SEPTIN2: variants seen among roughly 807,000 people sequenced by gnomAD.
SEPTIN2 encodes the protein septin-2.
SEPTIN2 carries 34 observed loss-of-function variants against 46.5 expected under a neutral mutation model. That is an observed-to-expected ratio of 0.73 (90% confidence interval 0.56 to 0.97). SEPTIN2 has a LOEUF of 0.97. Among genes scored for constraint, SEPTIN2 ranks in the 50% least tolerant of loss-of-function variants. The pLI is 0.00. For synonymous variants in SEPTIN2, 175 were observed against 153.4 expected, an observed-to-expected ratio of 1.14 and a Z score of -1.04; for missense variants, 347 against 448.4, an observed-to-expected ratio of 0.77 and a Z score of 2.04.
At chr2:241,330,213 AAAAAATC>A (rs1401070992) in intron 3 of SEPTIN2, among the ~76,000 whole-genome samples, 1 of 152,202 alleles carries the variant, frequency 6.6e-6, no homozygotes, top group Non-Finnish European at 1.5e-5. Context: ...TGTGTTTCTA[AAAAAATC>A]ACCATGCCAT....
Position 241,337,726 on chromosome 2 carries a change from T to C in SEPTIN2, c.530T>C (p.Ile177Thr). Reference sequence around the variant, plus strand: ...AAGGCAATACACAACAAGGTGAATATTGTGCCTGTCATTGCAAAAGCTGAC... The same window carrying C: ...AAGGCAATACACAACAAGGTGAATACTGTGCCTGTCATTGCAAAAGCTGAC... ...FMKAIHNKVN[I>T]VPVIAKADTL... Residue 177 changes from isoleucine to threonine, a missense_variant, in exon 7 of 13, where the codon ATT becomes ACT. Coordinates refer to ENST00000391971, the MANE Select transcript of SEPTIN2 (RefSeq NM_004404.5). 17 of 1,614,130 alleles carry C rather than the reference T, an allele frequency of 1.1e-5. No homozygotes were observed. Among genetic ancestry groups the C allele is most frequent in the Non-Finnish European group, 1.4e-5 (17 of 1,180,020 alleles).
rs536605626 is a variant in SEPTIN2, at chr2:241,352,287, T to C, written c.*350T>C. The stretch of plus-strand genomic sequence containing the variant: ...AACTGACTTAACAACTGACTAACCA[T>C]TGATGAGCACTCCTGATTTTTATCT... On this transcript the variant is annotated 3_prime_UTR_variant, in exon 13 of 13. Coordinates refer to ENST00000391971, the MANE Select transcript of SEPTIN2 (RefSeq NM_004404.5). 1.3e-5 allele frequency: 2 copies of C among 152,762 alleles called. No homozygotes were observed. The highest frequency in any genetic ancestry group is 6.5e-5 in the Admixed American group (1 of 15,304). The allele number at this position is 152,762 out of a possible 1,614,324, so 9.5% of individuals were successfully genotyped here.
At chr2:241,340,933 A>T (rs930142262) in intron 7 of SEPTIN2, among the ~76,000 whole-genome samples, 2 of 151,962 alleles carry the variant, frequency 1.3e-5, no homozygotes, top group South Asian at 2.1e-4. Flanking sequence ...CCTCCCCATG[A>T]TCCTGTTCAC....
intron 1 of SEPTIN2, chr2:241,317,465 G>A: frequency 5.8e-6 from 5 of 862,456 alleles, no homozygotes; most frequent in Non-Finnish European, 7.0e-6. Context: ...ATTCATAAAT[G>A]TAATTCAGGG....
At chr2:241,332,989 C>T (rs1211350439) in intron 3 of SEPTIN2, among the ~76,000 whole-genome samples, 1 of 152,156 alleles carries the variant, frequency 6.6e-6, no homozygotes, top group East Asian at 1.9e-4. Flanking sequence ...CACAGTTACA[C>T]AAAGCAACTC....
At position 241,352,662 on chromosome 2, in the gene SEPTIN2, C is replaced by G. The variant is rs1175284959; in HGVS notation, c.*725C>G. On this transcript the variant is annotated 3_prime_UTR_variant, in exon 13 of 13. Coordinates refer to ENST00000391971, the MANE Select transcript of SEPTIN2 (RefSeq NM_004404.5). Reference sequence around the variant, plus strand: ...TAAAACCACTATGCAAAGAACTCACCACAAGCCACCTTTTGTAGTGTTCTC... The same window carrying G: ...TAAAACCACTATGCAAAGAACTCACGACAAGCCACCTTTTGTAGTGTTCTC... The G allele has an allele frequency of 2.0e-5, 3 of 152,116 alleles. No homozygotes were observed. The highest frequency in any genetic ancestry group is 4.4e-5 in the Non-Finnish European group (3 of 68,020). 9.4% of individuals were successfully genotyped at this position (152,116 alleles called of 1,614,324 possible).
At chr2:241,346,098 G>A (rs2060207596) in intron 9 of SEPTIN2, 68 bp from the exon 10 acceptor site, 1 of 1,075,052 alleles carries the variant, frequency 9.3e-7, no homozygotes, top group African/African-American at 1.6e-5. Context: ...TACTTGATGG[G>A]TGGTTTTTTT....
chr2:241,328,750 G>A (rs2078442517), intron 3 of SEPTIN2, among the ~76,000 whole-genome samples: 1 of 144,172 alleles, frequency 6.9e-6, no homozygotes, highest in African/African-American at 2.6e-5. Context: ...CTCAAAACAC[G>A]GTGGCTCACG....
At chr2:241,315,836 TG>T (rs1553667967), upstream of SEPTIN2, 4 of 134,130 alleles carry the variant, frequency 3.0e-5, no homozygotes, top group Non-Finnish European at 3.2e-5. Flanking sequence ...AGGAAGCAGT[TG>T]GCAAAGGGGC....
chr2:241,322,754 G>T (rs1321790688), intron 1 of SEPTIN2, among the ~76,000 whole-genome samples: 2 of 151,998 alleles, frequency 1.3e-5, no homozygotes, highest in Non-Finnish European at 2.9e-5. Context: ...TCAAAATCTA[G>T]TTCTCAGGTA....
chr2:241,350,686 ACCT>A (rs1300507551), intron 12 of SEPTIN2, among the ~76,000 whole-genome samples: 4 of 152,018 alleles, frequency 2.6e-5, no homozygotes, highest in African/African-American at 9.7e-5. Context: ...GTGACTGCTG[ACCT>A]CCTGTTCCTC....
intron 9 of SEPTIN2, among the ~76,000 whole-genome samples, chr2:241,344,261 T>A (rs1228890017): frequency 6.6e-6 from 1 of 152,198 alleles, no homozygotes; most frequent in East Asian, 1.9e-4. Flanking sequence ...TATAGGCCCC[T>A]GGTCCACTGC....
At chr2:241,345,545 C>T (rs1348721663) in intron 9 of SEPTIN2, among the ~76,000 whole-genome samples, 1 of 152,184 alleles carries the variant, frequency 6.6e-6, no homozygotes, top group Non-Finnish European at 1.5e-5. Context: ...GAACGTGTTA[C>T]AATGTTTGCT....
At chr2:241,332,694 C>A (rs373424570) in intron 3 of SEPTIN2, among the ~76,000 whole-genome samples, 18 of 152,218 alleles carry the variant, frequency 1.2e-4, no homozygotes, top group Admixed American at 7.2e-4. Flanking sequence ...AGCTACTTTT[C>A]TCAAAATAGC....
intron 1 of SEPTIN2, among the ~76,000 whole-genome samples, chr2:241,320,863 CTT>C (rs1421561429): frequency 6.6e-6 from 1 of 152,000 alleles, no homozygotes; most frequent in East Asian, 1.9e-4. Flanking sequence ...CATTTTTTCT[CTT>C]TATTGATTTC....
intron 3 of SEPTIN2, among the ~76,000 whole-genome samples, chr2:241,329,980 C>T (rs1266553612): frequency 1.3e-5 from 2 of 152,184 alleles, no homozygotes; most frequent in South Asian, 2.1e-4. Context: ...TCATTACGGC[C>T]AGCAGATATT....
rs767372069 is a variant in SEPTIN2 at position 241,342,957 on chromosome 2, T to G, written c.595-35T>G. On this transcript the variant is annotated intron_variant, in intron 7 of 12. Coordinates refer to ENST00000391971, the MANE Select transcript of SEPTIN2 (RefSeq NM_004404.5). ...ATTGGCTACAATAACATACGCAGTT[T>G]GCTAAAATTGATCCTGGTTTTGTCA... 3 of 1,199,340 alleles carry G rather than the reference T, an allele frequency of 2.5e-6. No individual in the cohort carries two copies. In the African/African-American group the frequency reaches 4.5e-5, roughly 18 times the overall value. The allele number at this position is 1,199,340 out of a possible 1,614,324, so 74.3% of individuals were successfully genotyped here.
chr2:241,317,525 AGTT>A lies in SEPTIN2; in HGVS notation c.-18+1546_-18+1548del, dbSNP rs2076533853. The A allele has an allele frequency of 1.6e-5, 16 of 983,592 alleles. No homozygotes were observed. The South Asian group carries it at 7.1e-4, about 43-fold the overall frequency. 60.9% of individuals were successfully genotyped at this position (983,592 alleles called of 1,614,324 possible). A position where few individuals can be genotyped will look rare whatever the true frequency, so the allele number is the denominator to read the frequency against. ...ATACAGAAACTGCTGTAAAAGAAGA[AGTT>A]GTGGGTATTTTTTTTTTTTTTTTTG... is the stretch of plus-strand genomic sequence containing the variant. On this transcript the variant is annotated intron_variant, in intron 1 of 12. Coordinates refer to ENST00000391971, the MANE Select transcript of SEPTIN2 (RefSeq NM_004404.5).
intron 1 of SEPTIN2, among the ~76,000 whole-genome samples, chr2:241,320,967 G>C (rs1200532980): frequency 1.3e-5 from 2 of 152,024 alleles, no homozygotes; most frequent in Admixed American, 6.6e-5. Context: ...CCTTGATCCT[G>C]GGGATATCCA....
Sources: allele counts gnomAD v4.1 joint callset (sites outside exome capture counted in the v4.1 genomes callset), GRCh38; gene constraint gnomAD v4.1.1; transcripts MANE v1.5; gene names NCBI Gene and HGNC (gene_info 2026-07-23, HGNC 2026-07-21).